Variants in NF1 observed in about 807,000 individuals in gnomAD.
NF1 encodes neurofibromin 1, also known as neurofibromin.
NF1 carries 122 observed loss-of-function variants against 325.7 expected under a neutral mutation model. The ratio of observed to expected loss-of-function variants is 0.37; its 90% CI spans 0.32 to 0.44. The LOEUF (loss-of-function observed/expected upper bound fraction) is 0.44. Ranked by LOEUF, NF1 falls within the 20% of genes least tolerant of loss-of-function variation. NF1 has a pLI of 1.00. For missense variants in NF1, 2,140 were observed against 3,415.4 expected (o/e 0.63, Z 9.31); for synonymous variants, 1,091 against 1,186.0 (o/e 0.92, Z 1.65).
intron 1 of NF1, among the ~76,000 whole-genome samples, chr17:31,101,153 C>T (rs545635050): frequency 2.0e-5 from 3 of 152,012 alleles, no homozygotes; most frequent in Non-Finnish European, 4.4e-5. Flanking sequence ...TAGCTCCTGC[C>T]TCTGCTTGAT....
intron 1 of NF1, among the ~76,000 whole-genome samples, chr17:31,129,959 G>A (rs887117652): frequency 8.6e-5 from 13 of 152,028 alleles, no homozygotes; most frequent in Non-Finnish European, 1.8e-4. Flanking sequence ...GAGAGCTAGT[G>A]CAGTCGTTTG....
intron 52 of NF1, 31 bp downstream of exon 52, chr17:31,356,613 G>T (rs2070276758): frequency 1.2e-6 from 2 of 1,612,194 alleles, no homozygotes; most frequent in African/African-American, 1.3e-5. Context: ...CTAGATCATT[G>T]AAAATAAGGT....
intron 8 of NF1, among the ~76,000 whole-genome samples, chr17:31,187,766 A>T (rs1303179859): frequency 1.3e-5 from 2 of 152,102 alleles, no homozygotes; most frequent in Non-Finnish European, 2.9e-5. Flanking sequence ...TTGAGACATT[A>T]TGTTCTGCTG....
In NF1 at chr17:31,336,376, C is replaced by T. The variant is rs2151553282; in HGVS notation, c.6050C>T (p.Thr2017Ile). ...LDVVLDSFIK[T>I]SATGGLGSIK... The stretch of plus-strand genomic sequence containing the variant: ...GTTGTACTAGACAGTTTCATCAAAA[C>T]CAGTGCAACAGGTGGCTTGGGATCA... The change falls in exon 41 of 58, where the codon ACC becomes ATC. Residue 2017 changes from threonine to isoleucine, a missense_variant. By Grantham distance (89) the Thr-to-Ile change is moderately conservative. Coordinates refer to ENST00000358273, the MANE Select transcript of NF1 (RefSeq NM_001042492.3). The surrounding 1 kb of genome is among the most constrained non-coding windows in gnomAD (Gnocchi z 5.5). The T allele has an allele frequency of 6.2e-7, 1 of 1,613,994 alleles. No homozygotes were observed. The highest frequency in any genetic ancestry group is 8.5e-7 in the Non-Finnish European group (1 of 1,179,964).
At chr17:31,134,908 C>G (rs182414064) in intron 1 of NF1, among the ~76,000 whole-genome samples, 1 of 152,050 alleles carries the variant, frequency 6.6e-6, no homozygotes, top group Non-Finnish European at 1.5e-5. Flanking sequence ...CAGAACAACC[C>G]GAATACCAGA....
Position 31,225,268 on chromosome 17 carries a change from T to G in NF1, c.2001+18T>G, listed in dbSNP as rs779458748. On this transcript the variant is annotated intron_variant, in intron 17 of 57. Coordinates refer to ENST00000358273, the MANE Select transcript of NF1 (RefSeq NM_001042492.3). ...CCTCTATGGTCAGCTTCTTCTGTAC[T>G]TTTTCTGTATCATTTTATGTGCTCT... 6.2e-7 allele frequency: 1 copy of G among 1,612,298 alleles called. No homozygotes were observed.
intron 30 of NF1, chr17:31,252,669 G>T: frequency 2.4e-6 from 1 of 423,500 alleles, no homozygotes; most frequent in South Asian, 4.3e-5. Context: ...AATTCACTTG[G>T]AGAGAGTTTT....
chr17:31,330,525 C>A (rs1375170911), intron 39 of NF1, 27 bp downstream of exon 39: 1 of 1,470,796 alleles, frequency 6.8e-7, no homozygotes. Flanking sequence ...TTCTTTAATA[C>A]TAACAATTAT....
chr17:31,304,733 C>A, intron 36 of NF1: 1 of 1,614,140 alleles, frequency 6.2e-7, no homozygotes, highest in South Asian at 1.1e-5. Flanking sequence ...TCACTTGATT[C>A]AAACAACTTA....
At position 31,172,036 on chromosome 17, in the gene NF1, A is replaced by G. The variant is rs146172098; in HGVS notation, c.586+2039A>G. On this transcript the variant is annotated intron_variant, in intron 5 of 57. Transcript: ENST00000358273. ...GAGATGAGCAAGATGTGAAGGTACA[A>G]GAATAGGTCAGATCATTTTAATAAA... Among the ~76,000 whole-genome samples the G allele has an allele frequency of 1.9e-4, 29 of 152,302 alleles. No homozygotes were observed. In the East Asian group the frequency reaches 5.6e-3, roughly 29 times the overall value.
At position 31,287,541 on chromosome 17, in the gene NF1, A is replaced by ACT. The variant is rs1199039596; in HGVS notation, c.4835+22203_4835+22204dup. On this transcript the variant is annotated intron_variant, in intron 36 of 57. Coordinates refer to ENST00000358273, the MANE Select transcript of NF1 (RefSeq NM_001042492.3). Reference sequence around the variant, plus strand: ...TTTCTGTGCTTTGATCTCATTCATAACTGTGTGTGTGTGTGTGTGTGTGTG... The same window carrying ACT: ...TTTCTGTGCTTTGATCTCATTCATAACTCTGTGTGTGTGTGTGTGTGTGTGTG... Among the ~76,000 whole-genome samples, 7 of 102,594 alleles carry ACT rather than the reference A, an allele frequency of 6.8e-5. No individual in the cohort carries two copies. In the East Asian group the frequency reaches 1.7e-3, roughly 25 times the overall value. 67.3% of individuals were successfully genotyped at this position (102,594 alleles called of 152,430 possible). A position where few individuals can be genotyped will look rare whatever the true frequency, so the allele number is the denominator to read the frequency against.
intron 39 of NF1, among the ~76,000 whole-genome samples, chr17:31,333,601 A>G (rs1224296798): frequency 6.6e-6 from 1 of 152,240 alleles, no homozygotes; most frequent in Non-Finnish European, 1.5e-5. Context: ...GAACAGGCCA[A>G]AAGTCAAAGA....
intron 36 of NF1, among the ~76,000 whole-genome samples, chr17:31,292,790 A>G (rs1399797199): frequency 6.6e-6 from 1 of 152,210 alleles, no homozygotes; most frequent in African/African-American, 2.4e-5. Context: ...GCAGTAGTCT[A>G]TAATTTGACT....
intron 2 of NF1, among the ~76,000 whole-genome samples, chr17:31,156,684 T>G (rs1436783824): frequency 6.6e-6 from 1 of 152,220 alleles, no homozygotes; most frequent in Non-Finnish European, 1.5e-5. Flanking sequence ...AAATACCAGT[T>G]TCATCAAATA....
chr17:31,196,349 T>C (rs2066433497), intron 8 of NF1, among the ~76,000 whole-genome samples: 2 of 152,012 alleles, frequency 1.3e-5, no homozygotes, highest in Admixed American at 6.5e-5. Context: ...TTTTCAGTTT[T>C]TAAAAAAACT....
intron 5 of NF1, among the ~76,000 whole-genome samples, chr17:31,180,397 T>G (rs1053562408): frequency 3.3e-5 from 5 of 152,194 alleles, no homozygotes; most frequent in Non-Finnish European, 5.9e-5. Context: ...TTGTCCACCA[T>G]GATCAAGTTG....
At chr17:31,141,273 C>CA (rs1484013012) in intron 1 of NF1, among the ~76,000 whole-genome samples, 2 of 151,208 alleles carry the variant, frequency 1.3e-5, no homozygotes, top group African/African-American at 4.9e-5. Context: ...CTGTAGTACC[C>CA]AGCACAGTGC....
rs894292181 is a variant in NF1, at chr17:31,219,104, C to G, written c.1627C>G (p.Gln543Glu). The G allele has an allele frequency of 6.2e-7, 1 of 1,613,482 alleles. No homozygotes were observed. Among genetic ancestry groups the G allele is most frequent in the South Asian group, 1.1e-5 (1 of 90,952 alleles). ...TCAGTCACACATGCCAGAGATTGCT[C>G]AGGAAGCAATGGAGGTAAGGGGAAA... ...VPQSHMPEIA[Q>E]EAMEALLVLH... The change falls in exon 14 of 58, where the codon CAG becomes GAG. Residue 543 changes from glutamine (Q) to glutamate (E), a missense_variant. By Grantham distance (29) the Gln-to-Glu change is conservative. This residue lies in a region of NF1 where 179 missense variants were observed against 381.0 expected (regional missense o/e 0.47). Coordinates refer to ENST00000358273, the MANE Select transcript of NF1 (RefSeq NM_001042492.3).
chr17:31,206,215 C>T (rs2143913025), intron 11 of NF1, 25 bp from the exon 12 acceptor site: 2 of 1,612,922 alleles, frequency 1.2e-6, no homozygotes, highest in Non-Finnish European at 1.7e-6. Flanking sequence ...ACTTTTTCTT[C>T]CTATTGGTCT....
Sources: allele counts gnomAD v4.1 joint callset (sites outside exome capture counted in the v4.1 genomes callset), GRCh38; gene constraint gnomAD v4.1.1; regional missense constraint gnomAD v4.1.1; non-coding constraint Gnocchi (gnomAD v3.1); transcripts MANE v1.5; gene names NCBI Gene and HGNC (gene_info 2026-07-23, HGNC 2026-07-21).